Variants in DOK5 observed in about 807,000 individuals in gnomAD.
The protein encoded by DOK5 is downstream of tyrosine kinase 5.
In DOK5, 27 loss-of-function variants were observed where a neutral mutation model predicts 43.3. The ratio of observed to expected loss-of-function variants is 0.62; its 90% CI spans 0.46 to 0.86. The LOEUF (loss-of-function observed/expected upper bound fraction) is 0.86, where lower values mean the gene tolerates loss of function less well. DOK5 is among the 40% of genes least tolerant of loss of function. DOK5 has a pLI of 0.00. For synonymous variants in DOK5, 146 were observed against 140.1 expected (o/e 1.04, Z -0.30); for missense variants, 373 against 392.9 (o/e 0.95, Z 0.43).
chr20:54,571,878 C>T (rs570202269), intron 2 of DOK5, among the ~76,000 whole-genome samples: 3 of 152,298 alleles, frequency 2.0e-5, no homozygotes, highest in Non-Finnish European at 2.9e-5. Flanking sequence ...TCACTCTTCC[C>T]TACGTTTTCA....
At chr20:54,523,274 T>C (rs1471514393) in intron 1 of DOK5, among the ~76,000 whole-genome samples, 1 of 152,152 alleles carries the variant, frequency 6.6e-6, no homozygotes, top group Non-Finnish European at 1.5e-5. Flanking sequence ...ATTAAATAAC[T>C]TTATTTTTTG....
intron 1 of DOK5, among the ~76,000 whole-genome samples, chr20:54,528,943 G>C (rs912630720): frequency 6.6e-6 from 1 of 152,168 alleles, no homozygotes; most frequent in African/African-American, 2.4e-5. Context: ...CGACATGATA[G>C]AAAAGATGAT....
rs1477009165 is a variant in DOK5 at position 54,475,734 on chromosome 20, C to T, written c.-213C>T. On this transcript the variant is annotated 5_prime_UTR_variant, in exon 1 of 8. Coordinates refer to ENST00000262593, the MANE Select transcript of DOK5 (RefSeq NM_018431.5). This position sits in a 1 kb window ranked among gnomAD's most constrained non-coding sequence, Gnocchi z 4.2. ...TCCCCGCGCCGCGCTCTGCGCTCCC[C>T]GAAAGTGGCTGCAAGCCGGCCGCCC... 1.9e-5 allele frequency: 12 copies of T among 640,034 alleles called. No homozygotes were observed. The highest frequency in any genetic ancestry group is 3.2e-5 in the Non-Finnish European group (12 of 379,654). 39.6% of individuals were successfully genotyped at this position (640,034 alleles called of 1,614,324 possible).
At chr20:54,591,885 G>C in intron 5 of DOK5, 80 bp downstream of exon 5, 1 of 1,306,810 alleles carries the variant, frequency 7.7e-7, no homozygotes, top group South Asian at 1.5e-5. Flanking sequence ...CATCATATGA[G>C]GCGGTAGGTT....
At chr20:54,566,578 C>T (rs779028613) in intron 2 of DOK5, among the ~76,000 whole-genome samples, 1 of 152,172 alleles carries the variant, frequency 6.6e-6, no homozygotes, top group Non-Finnish European at 1.5e-5. Flanking sequence ...TGCATTCTCA[C>T]CAGCATTTGG....
intron 6 of DOK5, among the ~76,000 whole-genome samples, chr20:54,611,734 A>C (rs1275021730): frequency 6.6e-6 from 1 of 152,214 alleles, no homozygotes. Context: ...ATACAAAACA[A>C]AAAGGAATTG....
chr20:54,548,975 A>C (rs1984435100), intron 1 of DOK5, among the ~76,000 whole-genome samples: 1 of 152,072 alleles, frequency 6.6e-6, no homozygotes, highest in African/African-American at 2.4e-5. Context: ...TTTCTCCTTC[A>C]CTTTCTCTCT....
At chr20:54,490,567 G>C (rs895104334) in intron 1 of DOK5, among the ~76,000 whole-genome samples, 1 of 152,002 alleles carries the variant, frequency 6.6e-6, no homozygotes, top group African/African-American at 2.4e-5. Context: ...CTGGTATCTT[G>C]AGCCTCTTTT....
At chr20:54,476,137 C>G in intron 1 of DOK5, 125 bp downstream of exon 1, 1 of 1,539,442 alleles carries the variant, frequency 6.5e-7, no homozygotes, top group Non-Finnish European at 8.8e-7. Context: ...GTGGCTTTCT[C>G]AGCCGAAACC....
chr20:54,570,058 C>T (rs1387926179), intron 2 of DOK5, among the ~76,000 whole-genome samples: 2 of 152,166 alleles, frequency 1.3e-5, no homozygotes, highest in African/African-American at 2.4e-5. Context: ...TTTCTCTTTG[C>T]TCGCTTCTCC....
intron 1 of DOK5, among the ~76,000 whole-genome samples, chr20:54,520,925 C>A (rs1489694845): frequency 6.6e-6 from 1 of 152,146 alleles, no homozygotes; most frequent in Non-Finnish European, 1.5e-5. Flanking sequence ...TTCTATCACC[C>A]TTCCCTTTAC....
chr20:54,642,922 T>A (rs953573327), intron 6 of DOK5, among the ~76,000 whole-genome samples: 4 of 152,182 alleles, frequency 2.6e-5, no homozygotes, highest in African/African-American at 9.7e-5. Context: ...CCCTTTGTAG[T>A]TCCAAGATAG....
chr20:54,595,302 T>C (rs1283176626), intron 5 of DOK5, among the ~76,000 whole-genome samples: 1 of 152,202 alleles, frequency 6.6e-6, no homozygotes, highest in Non-Finnish European at 1.5e-5. Flanking sequence ...ATCCTGCCAC[T>C]GCACTCCAGC....
At position 54,642,549 on chromosome 20, in the gene DOK5, C is replaced by CAAA. The variant is rs66463305; in HGVS notation, c.736-892_736-890dup. Among the ~76,000 whole-genome samples the CAAA allele has an allele frequency of 3.4e-3, 331 of 96,334 alleles. 6 individuals carry two copies. The highest frequency in any genetic ancestry group is 0.012 in the African/African-American group (276 of 23,032). The allele number at this position is 96,334 out of a possible 152,430, so 63.2% of individuals were successfully genotyped here. A position where few individuals can be genotyped will look rare whatever the true frequency, so the allele number is the denominator to read the frequency against. On this transcript the variant is annotated intron_variant, in intron 6 of 7. Coordinates refer to ENST00000262593, the MANE Select transcript of DOK5 (RefSeq NM_018431.5). ...AGAAACCCCATCTCTACTAAAAATA[C>CAAA]AAAAAAAAAAAAAAAAAAAGAAAAA... is the stretch of plus-strand genomic sequence containing the variant.
At chr20:54,614,355 C>A (rs1018781991) in intron 6 of DOK5, among the ~76,000 whole-genome samples, 1 of 151,990 alleles carries the variant, frequency 6.6e-6, no homozygotes, top group Non-Finnish European at 1.5e-5. Flanking sequence ...GAGGGGAATG[C>A]GAGAGAGAGT....
intron 1 of DOK5, among the ~76,000 whole-genome samples, chr20:54,500,903 C>A (rs1296002362): frequency 6.6e-6 from 1 of 151,772 alleles, no homozygotes; most frequent in African/African-American, 2.4e-5. Flanking sequence ...GTAAATACTT[C>A]CCCAAATCAT....
chr20:54,572,855 G>C (rs1331784852), intron 2 of DOK5, among the ~76,000 whole-genome samples: 1 of 152,162 alleles, frequency 6.6e-6, no homozygotes, highest in Admixed American at 6.5e-5. Context: ...ATGTGTTAAT[G>C]ACATCACTGT....
chr20:54,584,267 G>A (rs533536667), intron 2 of DOK5, among the ~76,000 whole-genome samples: 29 of 151,484 alleles, frequency 1.9e-4, no homozygotes, highest in African/African-American at 5.6e-4. Flanking sequence ...TCTTGCTGTC[G>A]TATTTGTGAT....
rs555160793 is a variant in DOK5 at position 54,549,382 on chromosome 20, G to A, written c.67-5551G>A. 3.0e-4 allele frequency among the ~76,000 whole-genome samples: 45 copies of A among 152,222 alleles called. No homozygotes were observed. The South Asian group carries it at 9.1e-3, about 31-fold the overall frequency. ...GATTGCACACATTGCTCTCAACTTT[G>A]GTACTGTCTGCTTTTGTACCATGTG... is the stretch of plus-strand genomic sequence containing the variant. On this transcript the variant is annotated intron_variant, in intron 1 of 7. Transcript: ENST00000262593.
Sources: gnomAD v4.1 joint callset for allele counts (sites outside exome capture counted in the v4.1 genomes callset) on GRCh38, gnomAD v4.1.1 for gene constraint, Gnocchi (gnomAD v3.1) non-coding constraint, MANE v1.5 for transcripts, NCBI Gene and HGNC (gene_info 2026-07-23, HGNC 2026-07-21) for gene names.